CTNNA2: variants seen among roughly 807,000 people sequenced by gnomAD.
CTNNA2 encodes the protein catenin alpha-2.
In CTNNA2, 42 loss-of-function variants were observed where a neutral mutation model predicts 101.0. That is an observed-to-expected ratio of 0.42 (90% CI 0.32 to 0.54). The LOEUF (loss-of-function observed/expected upper bound fraction) is 0.54, where lower values mean the gene tolerates loss of function less well. Among genes scored for constraint, CTNNA2 ranks in the 20% least tolerant of loss-of-function variants. CTNNA2 has a pLI of 0.14. For synonymous variants in CTNNA2, 450 were observed against 456.4 expected (o/e 0.99, Z 0.18); for missense variants, 871 against 1,223.1 (o/e 0.71, Z 4.29).
chr2:80,383,389 T>C lies in CTNNA2; in HGVS notation c.1057-9822T>C, dbSNP rs10496241. 4.5e-3 allele frequency among the ~76,000 whole-genome samples: 685 copies of C among 152,278 alleles called. 7 individuals carry two copies. Among genetic ancestry groups the C allele is most frequent in the African/African-American group, 0.016 (662 of 41,550 alleles). ...TCAATAAACAAGCATTTCCTGACCATGTCTTAAGAGTTTCATCCTGAGTTC... is the reference window on the plus strand; with the variant it reads ...TCAATAAACAAGCATTTCCTGACCACGTCTTAAGAGTTTCATCCTGAGTTC... On this transcript the variant is annotated intron_variant, in intron 7 of 18. Coordinates refer to ENST00000402739, the MANE Select transcript of CTNNA2 (RefSeq NM_001282597.3).
chr2:79,931,282 G>T (rs1012574883), intron 7 of CTNNA2, among the ~76,000 whole-genome samples: 17 of 152,060 alleles, frequency 1.1e-4, no homozygotes, highest in Non-Finnish European at 2.4e-4. Context: ...ATTTATCTAT[G>T]AATATCGGAT....
chr2:80,512,353 G>A (rs538366160), intron 9 of CTNNA2, among the ~76,000 whole-genome samples: 1 of 152,172 alleles, frequency 6.6e-6, no homozygotes, highest in South Asian at 2.1e-4. Flanking sequence ...GTGCTGGGTA[G>A]TTCACAAAAG....
chr2:80,387,455 T>C (rs867602846), intron 7 of CTNNA2, among the ~76,000 whole-genome samples: 2 of 152,150 alleles, frequency 1.3e-5, no homozygotes, highest in South Asian at 4.1e-4. Context: ...GGTATTTATA[T>C]AGGGAGACAG....
At chr2:79,197,097 A>G (rs1673971369) in intron 1 of CTNNA2, among the ~76,000 whole-genome samples, 1 of 152,220 alleles carries the variant, frequency 6.6e-6, no homozygotes, top group Admixed American at 6.5e-5. Context: ...TGAAACATGC[A>G]AAGTGCTGAA....
Position 79,923,487 on chromosome 2 carries a change from G to A in CTNNA2, c.1056+13690G>A, listed in dbSNP as rs536347252. ...AGTAATAATTGTATATATTTATGGGGTACTATGTGATGTTTGGATATGTGT... is the reference window on the plus strand; with the variant it reads ...AGTAATAATTGTATATATTTATGGGATACTATGTGATGTTTGGATATGTGT... On this transcript the variant is annotated intron_variant, in intron 7 of 18. Transcript: ENST00000402739. Among the ~76,000 whole-genome samples, 352 of 152,100 alleles carry A rather than the reference G, an allele frequency of 2.3e-3. 2 individuals carry two copies. The highest frequency in any genetic ancestry group is 3.7e-3 in the Admixed American group (57 of 15,270).
chr2:80,553,494 C>A (rs1426828843), intron 11 of CTNNA2, among the ~76,000 whole-genome samples: 1 of 152,044 alleles, frequency 6.6e-6, no homozygotes, highest in African/African-American at 2.4e-5. Flanking sequence ...TTCATTTTAA[C>A]ATATTGGGTC....
intron 8 of CTNNA2, among the ~76,000 whole-genome samples, chr2:80,395,037 G>GATT (rs1381425078): frequency 1.3e-5 from 2 of 151,928 alleles, no homozygotes; most frequent in Non-Finnish European, 2.9e-5. Flanking sequence ...ATCATGGCAG[G>GATT]ATTATTATTA....
intron 1 of CTNNA2, among the ~76,000 whole-genome samples, chr2:79,613,978 A>G (rs1490284338): frequency 6.6e-6 from 1 of 152,216 alleles, no homozygotes; most frequent in East Asian, 1.9e-4. Flanking sequence ...AGCATGTGCT[A>G]GGCCTGGATT....
rs151290059 is a variant in CTNNA2, at chr2:79,380,030, A to G, written c.-135+6017A>G. Reference sequence around the variant, plus strand: ...AGACAGTTCTGTTAATGTTGTTTATAAGGATGTGCTGCTGCAATTTATTGT... The same window carrying G: ...AGACAGTTCTGTTAATGTTGTTTATGAGGATGTGCTGCTGCAATTTATTGT... On this transcript the variant is annotated intron_variant, in intron 4 of 21. Coordinates refer to the CTNNA2 transcript ENST00000466387. Among the ~76,000 whole-genome samples, 280 of 152,256 alleles carry G rather than the reference A, an allele frequency of 1.8e-3. 2 individuals are homozygous for G. The East Asian group carries it at 0.031, about 17-fold the overall frequency.
chr2:80,342,632 A>AT (rs1191004145), intron 7 of CTNNA2, among the ~76,000 whole-genome samples: 1 of 152,054 alleles, frequency 6.6e-6, no homozygotes, highest in Non-Finnish European at 1.5e-5. Context: ...CTGCCACCTA[A>AT]TTTTTTTTAA....
At chr2:80,262,232 C>A (rs955412383) in intron 7 of CTNNA2, among the ~76,000 whole-genome samples, 1 of 151,934 alleles carries the variant, frequency 6.6e-6, no homozygotes, top group Non-Finnish European at 1.5e-5. Flanking sequence ...GATCATATTG[C>A]TCAATATTTT....
chr2:79,556,201 T>C (rs1452762544), intron 1 of CTNNA2, among the ~76,000 whole-genome samples: 1 of 152,128 alleles, frequency 6.6e-6, no homozygotes, highest in Non-Finnish European at 1.5e-5. Flanking sequence ...GATAGATTTA[T>C]ATTGAACCCT....
intron 3 of CTNNA2, among the ~76,000 whole-genome samples, chr2:79,829,824 G>A (rs1318280305): frequency 2.0e-5 from 3 of 151,578 alleles, no homozygotes; most frequent in African/African-American, 2.4e-5. Context: ...GGTTCACGCC[G>A]TTGTCCTGCC....
At chr2:79,898,302 T>C (rs1242450605) in intron 6 of CTNNA2, among the ~76,000 whole-genome samples, 1 of 150,860 alleles carries the variant, frequency 6.6e-6, no homozygotes, top group Non-Finnish European at 1.5e-5. Flanking sequence ...CCCAGGTAAG[T>C]TTTTTTTTAT....
chr2:79,354,323 T>C (rs963528192), intron 3 of CTNNA2, among the ~76,000 whole-genome samples: 2 of 152,212 alleles, frequency 1.3e-5, no homozygotes, highest in Non-Finnish European at 2.9e-5. Flanking sequence ...ATGAGTCATA[T>C]GTTTGGCTTC....
intron 3 of CTNNA2, among the ~76,000 whole-genome samples, chr2:79,826,741 G>A (rs1444741372): frequency 6.6e-6 from 1 of 152,188 alleles, no homozygotes; most frequent in African/African-American, 2.4e-5. Flanking sequence ...GGCTCTGTGT[G>A]TAGGCTTCTT....
chr2:79,898,376 C>T (rs1684856579), intron 6 of CTNNA2, among the ~76,000 whole-genome samples: 1 of 151,986 alleles, frequency 6.6e-6, no homozygotes, highest in South Asian at 2.1e-4. Flanking sequence ...ACCTTGTGAT[C>T]CACCCGCTTT....
At chr2:80,232,341 G>GTTGTTTTT (rs1709276642) in intron 7 of CTNNA2, among the ~76,000 whole-genome samples, 2 of 82,060 alleles carry the variant, frequency 2.4e-5, no homozygotes, top group African/African-American at 6.6e-5. Context: ...TTGTTTGTTT[G>GTTGTTTTT]TTTGTTTTTT....
intron 4 of CTNNA2, among the ~76,000 whole-genome samples, chr2:79,390,206 C>G (rs923223690): frequency 6.6e-6 from 1 of 152,144 alleles, no homozygotes; most frequent in Non-Finnish European, 1.5e-5. Flanking sequence ...CTTTGCATTT[C>G]TCTTCCCATG....
Sources: gnomAD v4.1 joint callset for allele counts (sites outside exome capture counted in the v4.1 genomes callset) on GRCh38, gnomAD v4.1.1 for gene constraint, MANE v1.5 for transcripts, NCBI Gene and HGNC (gene_info 2026-07-23, HGNC 2026-07-21) for gene names.